DNAJC13: variants seen among roughly 807,000 people sequenced by gnomAD.
The protein encoded by DNAJC13 is dnaJ homolog subfamily C member 13.
In DNAJC13, 75 loss-of-function variants were observed where a neutral mutation model predicts 290.5. That is an observed-to-expected ratio of 0.26 (90% CI 0.21 to 0.31). DNAJC13 has a LOEUF of 0.31. Ranked by LOEUF, DNAJC13 falls within the 10% of genes least tolerant of loss-of-function variation. The probability of loss-of-function intolerance (pLI) is 1.00; values close to 1 mark genes in which losing one functional copy is unlikely to be tolerated. For synonymous variants in DNAJC13, 862 were observed against 892.0 expected, an observed-to-expected ratio of 0.97 and a Z score of 0.60; for missense variants, 2,260 against 2,674.5, an observed-to-expected ratio of 0.85 and a Z score of 3.42.
At chr3:132,488,211 C>CT in intron 29 of DNAJC13, 87 bp from the exon 30 acceptor site, 4 of 1,218,538 alleles carry the variant, frequency 3.3e-6, no homozygotes, top group Non-Finnish European at 4.5e-6. Flanking sequence ...ACATAAGGAG[C>CT]TATAACCTCA....
At position 132,516,835 on chromosome 3, in the gene DNAJC13, C is replaced by A. The variant is rs755378201; in HGVS notation, c.5673+19C>A. The A allele has an allele frequency of 6.4e-7, 1 of 1,562,002 alleles. No individual in the cohort carries two copies. Among genetic ancestry groups the A allele is most frequent in the Non-Finnish European group, 8.7e-7 (1 of 1,142,964 alleles). On this transcript the variant is annotated intron_variant, in intron 48 of 55. Coordinates refer to ENST00000260818, the MANE Select transcript of DNAJC13 (RefSeq NM_015268.4). ...TCCAAAGGTAGGCACAAAATAAGTT[C>A]TTGAAAGGAAATTAATTATTAAAGC...
At chr3:132,453,800 G>A (rs1281911487) in intron 8 of DNAJC13, 106 bp downstream of exon 8, 1 of 934,288 alleles carries the variant, frequency 1.1e-6, no homozygotes, top group African/African-American at 1.7e-5. Context: ...ATATGGAATG[G>A]ACAGAATCTG....
intron 25 of DNAJC13, 47 bp downstream of exon 25, chr3:132,479,336 G>T (rs778956721): frequency 7.8e-7 from 1 of 1,287,820 alleles, no homozygotes; most frequent in East Asian, 2.3e-5. Flanking sequence ...AGTCATATAA[G>T]TATGTAAGAT....
intron 43 of DNAJC13, among the ~76,000 whole-genome samples, chr3:132,509,144 A>G (rs1336234773): frequency 3.9e-5 from 6 of 152,236 alleles, no homozygotes; most frequent in African/African-American, 1.4e-4. Context: ...GCAAATTGAA[A>G]ACCTTCTGGA....
chr3:132,506,493 T>A (rs1935594754), intron 42 of DNAJC13, among the ~76,000 whole-genome samples: 1 of 151,820 alleles, frequency 6.6e-6, no homozygotes, highest in South Asian at 2.1e-4. Flanking sequence ...TGGGACTGTT[T>A]TTCTCCCATT....
At chr3:132,482,151 T>C in intron 26 of DNAJC13, 75 bp from the exon 27 acceptor site, 1 of 1,223,404 alleles carries the variant, frequency 8.2e-7, no homozygotes, top group Admixed American at 2.0e-5. Context: ...AGTACTGCTG[T>C]GCAACTTTGT....
intron 25 of DNAJC13, 30 bp downstream of exon 25, chr3:132,479,319 AT>A (rs1489727811): frequency 7.1e-7 from 1 of 1,413,954 alleles, no homozygotes; most frequent in Non-Finnish European, 1.0e-6. Context: ...ATACATTGTT[AT>A]TTCCAAGTCA....
At chr3:132,510,909 C>T (rs571925415) in intron 43 of DNAJC13, among the ~76,000 whole-genome samples, 158 bp from the exon 44 acceptor site, 9 of 152,202 alleles carry the variant, frequency 5.9e-5, no homozygotes, top group African/African-American at 2.2e-4. Flanking sequence ...ATAATGTTTC[C>T]TGCCCTCTAC....
At chr3:132,424,893 G>A (rs1939050913) in intron 1 of DNAJC13, among the ~76,000 whole-genome samples, 1 of 152,158 alleles carries the variant, frequency 6.6e-6, no homozygotes, top group East Asian at 1.9e-4. Flanking sequence ...GCTTTTACCT[G>A]TACTTGAGTC....
intron 55 of DNAJC13, among the ~76,000 whole-genome samples, chr3:132,533,039 G>A (rs181551208): frequency 2.2e-4 from 31 of 141,592 alleles, no homozygotes; most frequent in South Asian, 1.3e-3. Flanking sequence ...GATTACAGGC[G>A]TGAGACACCA....
chr3:132,503,412 A>C, intron 41 of DNAJC13, 31 bp downstream of exon 41: 1 of 1,613,106 alleles, frequency 6.2e-7, no homozygotes. Flanking sequence ...CTGGGTTTTA[A>C]TCAATAGTGC....
chr3:132,518,107 G>A (rs1005783015), intron 48 of DNAJC13, among the ~76,000 whole-genome samples: 2 of 151,850 alleles, frequency 1.3e-5, no homozygotes, highest in South Asian at 2.1e-4. Flanking sequence ...TGTGCACAAC[G>A]TGCAGGTTTG....
At chr3:132,497,522 A>G (rs1398275130) in intron 36 of DNAJC13, among the ~76,000 whole-genome samples, 2 of 152,242 alleles carry the variant, frequency 1.3e-5, no homozygotes, top group African/African-American at 4.8e-5. Flanking sequence ...GGACAACCTG[A>G]GGATCTAGCA....
chr3:132,487,364 C>A (rs1026770682), intron 29 of DNAJC13, among the ~76,000 whole-genome samples: 3 of 152,012 alleles, frequency 2.0e-5, no homozygotes, highest in Non-Finnish European at 4.4e-5. Context: ...TTAAGCAATT[C>A]TCCTGCCTCA....
chr3:132,499,355 A>G, intron 37 of DNAJC13, 45 bp downstream of exon 37: 1 of 1,447,316 alleles, frequency 6.9e-7, no homozygotes, highest in Non-Finnish European at 9.3e-7. Context: ...GTTTACACAC[A>G]TTATATGACT....
intron 5 of DNAJC13, 79 bp from the exon 6 acceptor site, chr3:132,450,568 T>C (rs1933387578): frequency 9.6e-7 from 1 of 1,045,862 alleles, no homozygotes; most frequent in South Asian, 1.7e-5. Flanking sequence ...GTCGTTTCAA[T>C]AGTGACTGTG....
At position 132,511,107 on chromosome 3, in the gene DNAJC13, G is replaced by A. The variant is rs373342429; in HGVS notation, c.5156G>A (p.Gly1719Asp). 1 of 1,613,712 alleles carries A rather than the reference G, an allele frequency of 6.2e-7. No homozygotes were observed. The highest frequency in any genetic ancestry group is 1.3e-5 in the African/African-American group (1 of 74,850). The part of the protein sequence containing the change: ...AFAASLLDYI[G>D]SQAQYLHTFM... ...GCTGCAAGTCTCTTGGATTATATAG[G>A]CTCGCAGGCCCAATACTTGCACACA... Residue 1719 changes from glycine (G) to aspartate (D), a missense_variant, in exon 44 of 56, where the codon GGC (glycine) becomes GAC (aspartate). By Grantham distance (94) the Gly-to-Asp change is moderately conservative. Transcript: ENST00000260818.
intron 40 of DNAJC13, 70 bp from the exon 41 acceptor site, chr3:132,503,144 C>A: frequency 6.6e-7 from 1 of 1,505,332 alleles, no homozygotes; most frequent in South Asian, 1.2e-5. Context: ...TAGTGTGATT[C>A]TGTAAAATTA....
chr3:132,470,555 A>C (rs1934170217), intron 20 of DNAJC13, among the ~76,000 whole-genome samples: 4 of 135,834 alleles, frequency 2.9e-5, no homozygotes, highest in African/African-American at 1.1e-4. Context: ...ACTTCCCAGT[A>C]GGGGCGGCCG....
Sources: gnomAD v4.1 joint callset for allele counts (sites outside exome capture counted in the v4.1 genomes callset) on GRCh38, gnomAD v4.1.1 for gene constraint, MANE v1.5 for transcripts, NCBI Gene and HGNC (gene_info 2026-07-23, HGNC 2026-07-21) for gene names.